Variants in ZNF512B observed in about 807,000 individuals in gnomAD.
ZNF512B encodes zinc finger protein 512B.
In ZNF512B, 22 loss-of-function variants were observed where a neutral mutation model predicts 87.8. The observed-to-expected ratio is 0.25, with a 90% CI of 0.18 to 0.36. ZNF512B has a LOEUF of 0.36. Among genes scored for constraint, ZNF512B ranks in the 10% least tolerant of loss-of-function variants. The probability of loss-of-function intolerance (pLI) is 1.00; values close to 1 mark genes in which losing one functional copy is unlikely to be tolerated. For synonymous variants in ZNF512B, 524 were observed against 490.9 expected, an observed-to-expected ratio of 1.07 and a Z score of -0.89; for missense variants, 1,060 against 1,231.6, an observed-to-expected ratio of 0.86 and a Z score of 2.09.
chr20:63,958,482 T>C lies in ZNF512B; in HGVS notation c.*1406A>G, dbSNP rs2058817747. ...CACGCACACGGGCAAACATCAAAAT[T>C]CTCATCGTCCAGGGTCAGTGGGGCC... On this transcript the variant is annotated 3_prime_UTR_variant, in exon 17 of 17. Coordinates refer to ENST00000369888, the MANE Select transcript of ZNF512B (RefSeq NM_020713.3). 1 of 152,222 alleles carries C rather than the reference T, an allele frequency of 6.6e-6. No homozygotes were observed. The highest frequency in any genetic ancestry group is 6.5e-5 in the Admixed American group (1 of 15,274). 9.4% of individuals were successfully genotyped at this position (152,222 alleles called of 1,614,324 possible). A position where few individuals can be genotyped will look rare whatever the true frequency, so the allele number is the denominator to read the frequency against.
At chr20:63,967,107 C>T in intron 3 of ZNF512B, 103 bp from the exon 4 acceptor site, 3 of 1,515,596 alleles carry the variant, frequency 2.0e-6, no homozygotes, top group African/African-American at 1.4e-5. Context: ...GGCACACACA[C>T]CACATGAGCC....
In ZNF512B at chr20:63,962,384, C is replaced by T. The variant is rs201608664; in HGVS notation, c.2164-10G>A. 26 of 1,609,010 alleles carry T rather than the reference C, an allele frequency of 1.6e-5. No homozygotes were observed. The highest frequency in any genetic ancestry group is 1.7e-4 in the Middle Eastern group (1 of 6,034). ...GTCGAGTGTAGTTGAGCTGTGAATT[C>T]GACAGCACCAGGGTGAGCCTGAGGC... On this transcript the variant is annotated splice_polypyrimidine_tract_variant and intron_variant, in intron 13 of 16. Coordinates refer to ENST00000369888, the MANE Select transcript of ZNF512B (RefSeq NM_020713.3).
At position 63,962,584 on chromosome 20, in the gene ZNF512B, C is replaced by T. The variant is rs772124245; in HGVS notation, c.2163+3G>A. 1 of 1,603,204 alleles carries T rather than the reference C, an allele frequency of 6.2e-7. No individual in the cohort carries two copies. The highest frequency in any genetic ancestry group is 1.3e-5 in the African/African-American group (1 of 74,968). On this transcript the variant is annotated splice_donor_region_variant and intron_variant, in intron 13 of 16. Transcript: ENST00000369888. ...GTCCACAGCCCTGGGGGGGGCAGCT[C>T]ACCCGTGCGGTCTCGGGCACAAGGT...
Position 63,958,273 on chromosome 20 carries a change from A to G in ZNF512B, c.*1615T>C, listed in dbSNP as rs1358897832. 6.6e-6 allele frequency: 1 copy of G among 152,488 alleles called. No homozygotes were observed. The highest frequency in any genetic ancestry group is 6.5e-5 in the Admixed American group (1 of 15,278). 9.4% of individuals were successfully genotyped at this position (152,488 alleles called of 1,614,324 possible). On this transcript the variant is annotated 3_prime_UTR_variant, in exon 17 of 17. Transcript: ENST00000369888. ...CCCAGTCAGTACTGCCTCCCTGAGC[A>G]GCAAGGGACCCCAACCCCAGAGACC...
Position 63,960,127 on chromosome 20 carries a change from T to C in ZNF512B, c.2440A>G (p.Thr814Ala), listed in dbSNP as rs2058833971. The C allele has an allele frequency of 6.2e-7, 1 of 1,613,752 alleles. No homozygotes were observed. Among genetic ancestry groups the C allele is most frequent in the Non-Finnish European group, 8.5e-7 (1 of 1,179,986 alleles). The change falls in exon 17 of 17, where the codon ACA (threonine) becomes GCA (alanine). Residue 814 changes from threonine to alanine, a missense_variant. By Grantham distance (58) the Thr-to-Ala change is moderately conservative (BLOSUM62 0). Around this residue, in one of 9 missense-constraint regions of ZNF512B, gnomAD observed 253 missense variants for 259.2 expected, o/e 0.98. Coordinates refer to ENST00000369888, the MANE Select transcript of ZNF512B (RefSeq NM_020713.3). ...LKTHAENWFR[T>A]SADPPPKHRS... is the part of the protein sequence containing the mutation. The stretch of plus-strand genomic sequence containing the variant: ...TGTTTGGGAGGTGGGTCTGCTGATG[T>C]TCGGAACCAGTTCTGGGGAGAGAAA...
chr20:63,961,543 G>C lies in ZNF512B; in HGVS notation c.2329-136C>G, dbSNP rs1315485232. On this transcript the variant is annotated intron_variant, in intron 15 of 16. Transcript: ENST00000369888. The surrounding 1 kb of genome is among the most constrained non-coding windows in gnomAD (Gnocchi z 6.4). Reference sequence around the variant, plus strand: ...GGCTGTCTGTGCCAGACAATGCAGGGGGCCACTGAGTTACCAGGGCGGCAG... The same window carrying C: ...GGCTGTCTGTGCCAGACAATGCAGGCGGCCACTGAGTTACCAGGGCGGCAG... 1.2e-6 allele frequency: 1 copy of C among 805,330 alleles called. No homozygotes were observed. Among genetic ancestry groups the C allele is most frequent in the East Asian group, 2.6e-5 (1 of 37,954 alleles). The allele number at this position is 805,330 out of a possible 1,614,324, so 49.9% of individuals were successfully genotyped here. A position where few individuals can be genotyped will look rare whatever the true frequency, so the allele number is the denominator to read the frequency against.
At chr20:63,963,072 C>T (rs1386095296) in intron 12 of ZNF512B, 23 bp downstream of exon 12, 2 of 1,531,936 alleles carry the variant, frequency 1.3e-6, no homozygotes, top group Non-Finnish European at 1.7e-6. Flanking sequence ...AAGCACTGTG[C>T]CACAGAACAG....
intron 5 of ZNF512B, among the ~76,000 whole-genome samples, chr20:63,964,922 T>TTCC (rs1218028614): frequency 4.3e-5 from 2 of 46,284 alleles, no homozygotes; most frequent in African/African-American, 1.4e-4. Flanking sequence ...CTCACCACTG[T>TTCC]TCCCTGACCT....
In ZNF512B at chr20:63,958,531, A is replaced by G. The variant is rs1002733115; in HGVS notation, c.*1357T>C. 8.2e-6 allele frequency: 1 copy of G among 121,798 alleles called. No homozygotes were observed. The highest frequency in any genetic ancestry group is 3.1e-5 in the African/African-American group (1 of 32,016). 7.5% of individuals were successfully genotyped at this position (121,798 alleles called of 1,614,324 possible). On this transcript the variant is annotated 3_prime_UTR_variant, in exon 17 of 17. Transcript: ENST00000369888. ...CCGAGCCCTCAGCCCACTCCCACCC[A>G]CCCTGGAAAATGGCCTCCCTCCAAA...
At chr20:63,962,923 G>T in intron 12 of ZNF512B, 142 bp from the exon 13 acceptor site, 1 of 1,257,036 alleles carries the variant, frequency 8.0e-7, no homozygotes, top group Non-Finnish European at 1.1e-6. Flanking sequence ...CAACCCGAGG[G>T]AACACGGAGG....
In ZNF512B at chr20:63,963,380, C is replaced by T. The variant is rs1345561589; in HGVS notation, c.1759G>A (p.Val587Met). The change falls in exon 11 of 17, where the codon GTG becomes ATG. Residue 587 changes from valine (V) to methionine (M), a missense_variant. Around this residue, in one of 9 missense-constraint regions of ZNF512B, gnomAD observed 165 missense variants for 173.0 expected, o/e 0.95. Coordinates refer to ENST00000369888, the MANE Select transcript of ZNF512B (RefSeq NM_020713.3). Reference protein sequence around the residue: ...EQEERERLRKVLKQMGRLRCP... With the variant: ...EQEERERLRKMLKQMGRLRCP... ...CGCAGCCGTCCCATCTGCTTCAGCA[C>T]CTTGCGCAGCCTCTCGCGCTCCTCC... 6.5e-7 allele frequency: 1 copy of T among 1,548,700 alleles called. No individual in the cohort carries two copies. Among genetic ancestry groups the T allele is most frequent in the Non-Finnish European group, 8.7e-7 (1 of 1,152,194 alleles).
At chr20:63,968,093 G>T in intron 1 of ZNF512B, 141 bp from the exon 2 acceptor site, 1 of 1,094,850 alleles carries the variant, frequency 9.1e-7, no homozygotes, top group Non-Finnish European at 1.3e-6. Context: ...TGTTCACGTG[G>T]GAAAAGCAAG....
rs2058934236 is a variant in ZNF512B at position 63,966,875 on chromosome 20, C to T, written c.393+1G>A. 1 of 1,613,688 alleles carries T rather than the reference C, an allele frequency of 6.2e-7. No individual in the cohort carries two copies. Among genetic ancestry groups the T allele is most frequent in the Non-Finnish European group, 8.5e-7 (1 of 1,180,022 alleles). The stretch of plus-strand genomic sequence containing the variant: ...CTCTCCCCCGACCCACAGTCCCTTA[C>T]CCCTTGGCACCGCTGGTAATGGTAC... On this transcript the variant is annotated splice_donor_variant, in intron 4 of 16. Transcript: ENST00000369888. LOFTEE classifies it high-confidence loss of function.
chr20:63,964,101 C>T lies in ZNF512B; in HGVS notation c.1450G>A (p.Ala484Thr). The change falls in exon 8 of 17, where the codon GCA becomes ACA. Residue 484 changes from alanine (A) to threonine (T), a missense_variant. Around this residue, in one of 9 missense-constraint regions of ZNF512B, gnomAD observed 212 missense variants for 207.6 expected, o/e 1.02. Transcript: ENST00000369888. ...PAAPITVSKEAPAPVAHPAPG... is the reference protein window; with the variant it reads ...PAAPITVSKETPAPVAHPAPG... Reference sequence around the variant, plus strand: ...GCTGGGTGGGCCACAGGGGCCGGTGCCTCCTTGCTGACAGTGATGGGGGCA... The same window carrying T: ...GCTGGGTGGGCCACAGGGGCCGGTGTCTCCTTGCTGACAGTGATGGGGGCA... The T allele has an allele frequency of 1.2e-6, 2 of 1,610,030 alleles. No homozygotes were observed. The highest frequency in any genetic ancestry group is 2.2e-5 in the South Asian group (2 of 90,814).
chr20:63,962,987 C>T (rs1601477829), intron 12 of ZNF512B, 108 bp downstream of exon 12: 1 of 1,385,228 alleles, frequency 7.2e-7, no homozygotes. Context: ...GGGTGGGAAA[C>T]ACACGCGTTG....
intron 1 of ZNF512B, among the ~76,000 whole-genome samples, chr20:63,969,391 G>A (rs552725537): frequency 8.5e-5 from 13 of 152,142 alleles, no homozygotes; most frequent in African/African-American, 2.4e-4. Flanking sequence ...GCTCCGCCGC[G>A]CTGCGCGCAG....
intron 12 of ZNF512B, 105 bp downstream of exon 12, chr20:63,962,990 A>G: frequency 7.2e-7 from 1 of 1,388,772 alleles, no homozygotes; most frequent in South Asian, 1.5e-5. Context: ...TGGGAAACAC[A>G]CGCGTTGGGC....
rs2058892765 is a variant in ZNF512B at position 63,964,130 on chromosome 20, G to A, written c.1421C>T (p.Pro474Leu). ...CTTGCTGACAGTGATGGGGGCAGCT[G>A]GCACCTTCTTCCGGGCGTCCTCAGG... ...PGPEDARKKV[P>L]AAPITVSKEA... is the part of the protein sequence containing the mutation. The change falls in exon 8 of 17, where the codon CCA (proline) becomes CTA (leucine). Residue 474 changes from proline (P) to leucine (L), a missense_variant. Coordinates refer to ENST00000369888, the MANE Select transcript of ZNF512B (RefSeq NM_020713.3). 2.5e-6 allele frequency: 4 copies of A among 1,606,856 alleles called. No individual in the cohort carries two copies. Among genetic ancestry groups the A allele is most frequent in the East Asian group, 2.2e-5 (1 of 44,860 alleles).
At chr20:63,969,485 G>A (rs1394079552) in intron 1 of ZNF512B, among the ~76,000 whole-genome samples, 1 of 151,190 alleles carries the variant, frequency 6.6e-6, no homozygotes, top group Admixed American at 6.6e-5. Flanking sequence ...GCGCGGCCAG[G>A]GACGCGCACC....
Sources: allele counts gnomAD v4.1 joint callset (sites outside exome capture counted in the v4.1 genomes callset), GRCh38; gene constraint gnomAD v4.1.1; regional missense constraint gnomAD v4.1.1; non-coding constraint Gnocchi (gnomAD v3.1); transcripts MANE v1.5; gene names NCBI Gene and HGNC (gene_info 2026-07-23, HGNC 2026-07-21).